SLMAP: variants seen among roughly 807,000 people sequenced by gnomAD.
SLMAP encodes the protein sarcolemmal membrane-associated protein.
Under a neutral mutation model 128.8 loss-of-function variants are expected in SLMAP, and 44 were observed. That is an observed-to-expected ratio of 0.34 (90% CI 0.27 to 0.44). SLMAP has a LOEUF of 0.44. SLMAP is among the 20% of genes least tolerant of loss of function. The probability of loss-of-function intolerance (pLI) is 1.00; values close to 1 mark genes in which losing one functional copy is unlikely to be tolerated. For missense variants in SLMAP, 787 were observed against 985.3 expected, an observed-to-expected ratio of 0.80 and a Z score of 2.69; for synonymous variants, 327 against 348.8, an observed-to-expected ratio of 0.94 and a Z score of 0.70.
rs369237372 is a variant in SLMAP at position 57,911,722 on chromosome 3, A to G, written c.1700-659A>G. On this transcript the variant is annotated intron_variant, in intron 19 of 24. Transcript: ENST00000671191. ...AATAAGCAAATTAATAGATAATATGATGTCCAATAAGGACTTCAAAGGAAA... is the reference window on the plus strand; with the variant it reads ...AATAAGCAAATTAATAGATAATATGGTGTCCAATAAGGACTTCAAAGGAAA... 1.5e-3 allele frequency among the ~76,000 whole-genome samples: 228 copies of G among 152,272 alleles called. 2 individuals are homozygous for G. The highest frequency in any genetic ancestry group is 5.1e-3 in the African/African-American group (210 of 41,570).
chr3:57,782,375 A>C (rs1414034640), intron 2 of SLMAP, among the ~76,000 whole-genome samples: 1 of 152,204 alleles, frequency 6.6e-6, no homozygotes, highest in Non-Finnish European at 1.5e-5. Flanking sequence ...ATATTTAAAC[A>C]GTTTTAGAAT....
chr3:57,828,622 G>A (rs2093096839), intron 2 of SLMAP, among the ~76,000 whole-genome samples: 1 of 152,130 alleles, frequency 6.6e-6, no homozygotes, highest in Non-Finnish European at 1.5e-5. Flanking sequence ...TTATTCTAAG[G>A]TGTTTGAAAG....
intron 2 of SLMAP, among the ~76,000 whole-genome samples, chr3:57,789,393 AGG>A (rs2084949931): frequency 6.6e-6 from 1 of 151,958 alleles, no homozygotes; most frequent in Admixed American, 6.6e-5. Flanking sequence ...AGGAAACATC[AGG>A]GGTAAGGGGG....
chr3:57,781,031 C>T (rs573315880), intron 2 of SLMAP, among the ~76,000 whole-genome samples: 1 of 151,450 alleles, frequency 6.6e-6, no homozygotes, highest in South Asian at 2.1e-4. Flanking sequence ...TATACACACA[C>T]ATATATATGC....
At chr3:57,926,136 G>C in intron 24 of SLMAP, 2 of 564,856 alleles carry the variant, frequency 3.5e-6, no homozygotes, top group Non-Finnish European at 6.3e-6. Context: ...TTACTTTGTA[G>C]TAATGCTAAC....
intron 2 of SLMAP, among the ~76,000 whole-genome samples, chr3:57,790,818 A>G (rs2085300722): frequency 6.6e-6 from 1 of 152,240 alleles, no homozygotes; most frequent in South Asian, 2.1e-4. Context: ...AAGTTATTAA[A>G]TATTCACTGT....
chr3:57,844,631 T>C (rs553433376), intron 4 of SLMAP, among the ~76,000 whole-genome samples: 1 of 151,796 alleles, frequency 6.6e-6, no homozygotes, highest in South Asian at 2.1e-4. Context: ...GGGATTGTTA[T>C]GAGAAGATTT....
intron 17 of SLMAP, chr3:57,897,564 C>T (rs760342690): frequency 9.9e-5 from 15 of 152,026 alleles, no homozygotes; most frequent in East Asian, 1.9e-4. Flanking sequence ...GGTGTGGTGG[C>T]GCGTGCCTGT....
chr3:57,775,645 G>A (rs1339749683), intron 2 of SLMAP, among the ~76,000 whole-genome samples: 1 of 151,710 alleles, frequency 6.6e-6, no homozygotes, highest in South Asian at 2.1e-4. Context: ...AGCTATGATC[G>A]CGCCACTGCA....
At chr3:57,847,131 T>G in intron 4 of SLMAP, 66 bp from the exon 5 acceptor site, 1 of 969,916 alleles carries the variant, frequency 1.0e-6, no homozygotes. Flanking sequence ...GATATTCTGG[T>G]GCTCTCATAC....
intron 14 of SLMAP, among the ~76,000 whole-genome samples, chr3:57,879,943 C>G (rs963451684): frequency 2.1e-5 from 3 of 141,060 alleles, no homozygotes; most frequent in African/African-American, 8.1e-5. Flanking sequence ...GTGTGAGACT[C>G]TGTCTCAAAA....
chr3:57,908,977 T>C, intron 18 of SLMAP, 99 bp from the exon 19 acceptor site: 1 of 812,470 alleles, frequency 1.2e-6, no homozygotes, highest in Admixed American at 2.4e-5. Flanking sequence ...TTCAATAATC[T>C]TTTAGGAGAG....
intron 6 of SLMAP, among the ~76,000 whole-genome samples, chr3:57,853,544 G>A (rs1325493749): frequency 6.6e-6 from 1 of 152,120 alleles, no homozygotes; most frequent in Admixed American, 6.6e-5. Flanking sequence ...AGTGCTATGA[G>A]CATTTCACCT....
intron 2 of SLMAP, among the ~76,000 whole-genome samples, chr3:57,776,328 A>G (rs1212405947): frequency 2.6e-5 from 4 of 152,132 alleles, no homozygotes; most frequent in Non-Finnish European, 5.9e-5. Flanking sequence ...GTTTTGTACT[A>G]ATTCAGACTT....
At chr3:57,836,334 T>C (rs1343611163) in intron 3 of SLMAP, among the ~76,000 whole-genome samples, 3 of 151,946 alleles carry the variant, frequency 2.0e-5, no homozygotes, top group Admixed American at 6.6e-5. Flanking sequence ...TATAAACTAA[T>C]TTGTGTATAT....
intron 16 of SLMAP, 114 bp from the exon 17 acceptor site, chr3:57,896,759 A>G (rs569859775): frequency 9.1e-5 from 127 of 1,398,878 alleles, no homozygotes; most frequent in Non-Finnish European, 1.2e-4. Context: ...ACTACTTTCA[A>G]CTACCCGAAT....
At chr3:57,882,457 A>C (rs956272209) in intron 14 of SLMAP, among the ~76,000 whole-genome samples, 1 of 152,254 alleles carries the variant, frequency 6.6e-6, no homozygotes, top group African/African-American at 2.4e-5. Flanking sequence ...TGTGAAATAA[A>C]AACCATATGA....
intron 6 of SLMAP, among the ~76,000 whole-genome samples, chr3:57,853,960 TATATATATATATATATATATA>T (rs1560253256): frequency 8.4e-5 from 5 of 59,798 alleles, no homozygotes; most frequent in Non-Finnish European, 1.5e-4. Flanking sequence ...AAAAATTATA[TATATATATATATATATATATA>T]TATATATATA....
chr3:57,807,655 G>A (rs187705048), intron 2 of SLMAP, among the ~76,000 whole-genome samples: 25 of 152,320 alleles, frequency 1.6e-4, no homozygotes, highest in Non-Finnish European at 2.9e-4. Context: ...TGATCGTGGT[G>A]CATAAGCTTT....
Sources: gnomAD v4.1 joint callset for allele counts (sites outside exome capture counted in the v4.1 genomes callset) on GRCh38, gnomAD v4.1.1 for gene constraint, MANE v1.5 for transcripts, NCBI Gene and HGNC (gene_info 2026-07-23, HGNC 2026-07-21) for gene names.